The following STAG3 variants were observed in gnomAD, a reference collection of about 807,000 sequenced individuals.
The protein encoded by STAG3 is STAG3 cohesin complex component.
Under a neutral mutation model 160.7 loss-of-function variants are expected in STAG3, and 101 were observed. That is an observed-to-expected ratio of 0.63 (90% CI 0.54 to 0.74). The LOEUF is 0.74. Among genes scored for constraint, STAG3 ranks in the 30% least tolerant of loss-of-function variants. The pLI, the probability that STAG3 is intolerant of heterozygous loss-of-function variation, is 0.00. For missense variants in STAG3, 1,188 were observed against 1,517.4 expected (o/e 0.78, Z 3.61); for synonymous variants, 519 against 585.0 (o/e 0.89, Z 1.63).
chr7:100,203,869 G>C, intron 25 of STAG3, 152 bp from the exon 26 acceptor site: 1 of 561,170 alleles, frequency 1.8e-6, no homozygotes, highest in Non-Finnish European at 3.2e-6. Context: ...CTGTTGATTA[G>C]AGATGAAGTC....
intron 4 of STAG3, among the ~76,000 whole-genome samples, chr7:100,185,627 A>T: frequency 6.6e-6 from 1 of 152,058 alleles, no homozygotes; most frequent in East Asian, 1.9e-4. Flanking sequence ...GGAAAAGAAA[A>T]AAAAAGATTA....
At chr7:100,198,256 C>G in intron 12 of STAG3, 90 bp downstream of exon 12, 1 of 1,354,260 alleles carries the variant, frequency 7.4e-7, no homozygotes, top group African/African-American at 1.4e-5. Flanking sequence ...ACTCTTCCAT[C>G]TGTGCAGGTT....
chr7:100,211,270 C>T, intron 30 of STAG3, 85 bp downstream of exon 30: 11 of 1,504,208 alleles, frequency 7.3e-6, no homozygotes, highest in African/African-American at 7.0e-5. Flanking sequence ...TTTCATGGTT[C>T]CCTGCTGTAG....
At chr7:100,181,791 C>T (rs945121763) in intron 2 of STAG3, among the ~76,000 whole-genome samples, 3 of 151,602 alleles carry the variant, frequency 2.0e-5, no homozygotes, top group Admixed American at 1.3e-4. Flanking sequence ...ATCCCAGCTA[C>T]TCGGGAGGCT....
rs759346171 is a variant in STAG3, at chr7:100,213,336, ATTC to A, written c.3601-394_3601-392del. 38 of 985,432 alleles carry A rather than the reference ATTC, an allele frequency of 3.9e-5. No individual in the cohort carries two copies. The East Asian group carries it at 1.4e-3, about 35-fold the overall frequency. 61.0% of individuals were successfully genotyped at this position (985,432 alleles called of 1,614,324 possible). On this transcript the variant is annotated intron_variant, in intron 32 of 33. Transcript: ENST00000615138. ...TACAGGCTGCGTATCTTCTGCTGTT[ATTC>A]TTCTGTTCTCTTCTCTGCAGGGAAG...
At chr7:100,217,020 G>A (rs141261889), downstream of STAG3, among the ~76,000 whole-genome samples, 572 of 152,276 alleles carry the variant, frequency 3.8e-3, 8 homozygotes, top group African/African-American at 0.013. Flanking sequence ...AACCTGAAGT[G>A]TGTGAGCTGC....
At position 100,180,477 on chromosome 7, in the gene STAG3, T is replaced by C. The variant is rs1799572913; in HGVS notation, c.-64-16T>C. 3 of 827,014 alleles carry C rather than the reference T, an allele frequency of 3.6e-6. No homozygotes were observed. In the South Asian group the frequency reaches 4.2e-5, roughly 12 times the overall value. The allele number at this position is 827,014 out of a possible 1,614,324, so 51.2% of individuals were successfully genotyped here. On this transcript the variant is annotated splice_polypyrimidine_tract_variant and intron_variant, in intron 1 of 33. Coordinates refer to ENST00000615138, the MANE Select transcript of STAG3 (RefSeq NM_001282717.2). ...AAGTGCTGTGGTAGGAGCCCTTTCT[T>C]CTCTTTCTTCCCCAGCTGGATCGCC...
At chr7:100,197,487 A>T in intron 10 of STAG3, 2 of 757,530 alleles carry the variant, frequency 2.6e-6, no homozygotes, top group Non-Finnish European at 4.6e-6. Flanking sequence ...ATGACTCAAA[A>T]CCTGAGGTAC....
chr7:100,213,445 A>C, intron 32 of STAG3: 1 of 985,334 alleles, frequency 1.0e-6, no homozygotes, highest in Non-Finnish European at 1.2e-6. Context: ...CAAACCAGAG[A>C]CTAGAGAGCA....
chr7:100,202,496 A>G lies in STAG3; in HGVS notation c.2606A>G (p.Gln869Arg). The G allele has an allele frequency of 6.2e-7, 1 of 1,614,220 alleles. No homozygotes were observed. Among genetic ancestry groups the G allele is most frequent in the Non-Finnish European group, 8.5e-7 (1 of 1,180,030 alleles). The change falls in exon 25 of 34, where the codon CAG becomes CGG. Residue 869 changes from glutamine (Q) to arginine (R), a missense_variant. Physicochemically the swap from Gln to Arg is conservative, Grantham distance 43. Coordinates refer to ENST00000615138, the MANE Select transcript of STAG3 (RefSeq NM_001282717.2). The part of the protein sequence containing the change: ...EDHLQIERLH[Q>R]RRRLLAGFCK... The stretch of plus-strand genomic sequence containing the variant: ...CATTTACAGATAGAGCGGCTACACC[A>G]GCGGCGCCGCCTCCTAGCCGGGTTC...
chr7:100,187,645 G>A (rs1419302991), intron 5 of STAG3, among the ~76,000 whole-genome samples: 2 of 152,168 alleles, frequency 1.3e-5, no homozygotes, highest in Admixed American at 6.5e-5. Flanking sequence ...TCTCAAGCTT[G>A]GGGTGGGCAG....
rs1217551149 is a variant in STAG3 at position 100,188,530 on chromosome 7, G to A, written c.510+1G>A. On this transcript the variant is annotated splice_donor_variant, in intron 6 of 33. Coordinates refer to ENST00000615138, the MANE Select transcript of STAG3 (RefSeq NM_001282717.2). LOFTEE classifies it high-confidence loss of function. ...GCACCTAACAGAGCAGTTTAATGAG[G>A]TGGAAGAAGATGACCAGGATCCTCT... The A allele has an allele frequency of 6.2e-7, 1 of 1,609,488 alleles. No individual in the cohort carries two copies. The highest frequency in any genetic ancestry group is 8.5e-7 in the Non-Finnish European group (1 of 1,175,886).
chr7:100,202,602 C>T lies in STAG3; in HGVS notation c.2700+12C>T. 3.7e-6 allele frequency: 6 copies of T among 1,607,628 alleles called. No individual in the cohort carries two copies. Among genetic ancestry groups the T allele is most frequent in the Non-Finnish European group, 5.1e-6 (6 of 1,176,804 alleles). Reference sequence around the variant, plus strand: ...AACACTACAACAAGGTACACCAAGGCCCTACAGAAATAAAAGAGAAGGGAG... The same window carrying T: ...AACACTACAACAAGGTACACCAAGGTCCTACAGAAATAAAAGAGAAGGGAG... On this transcript the variant is annotated intron_variant, in intron 25 of 33. Transcript: ENST00000615138.
At position 100,200,234 on chromosome 7, in the gene STAG3, A is replaced by G. The variant is rs749848294; in HGVS notation, c.1678-2A>G. The G allele has an allele frequency of 1.9e-6, 3 of 1,610,210 alleles. No individual in the cohort carries two copies. Among genetic ancestry groups the G allele is most frequent in the Non-Finnish European group, 1.7e-6 (2 of 1,178,880 alleles). ...CCCACCCCCAAGTGACTCTCATTCC[A>G]GGGCTTAACCTCTAAGGAGCGCAAG... On this transcript the variant is annotated splice_acceptor_variant, in intron 16 of 33. Coordinates refer to ENST00000615138, the MANE Select transcript of STAG3 (RefSeq NM_001282717.2). LOFTEE classifies it high-confidence loss of function.
In STAG3 at chr7:100,200,880, A is replaced by T; in HGVS notation, c.1972A>T (p.Thr658Ser). 1 of 1,614,174 alleles carries T rather than the reference A, an allele frequency of 6.2e-7. No homozygotes were observed. Among genetic ancestry groups the T allele is most frequent in the Non-Finnish European group, 8.5e-7 (1 of 1,180,046 alleles). The part of the protein sequence containing the change: ...ALYLLCNPEF[T>S]FFSRADFARS... ...CTACCTGCTCTGTAATCCCGAATTC[A>T]CTTTCTTCAGCCGGGCGGACTTTGC... Residue 658 changes from threonine (T) to serine (S), a missense_variant, in exon 19 of 34, where the codon ACT becomes TCT. Thr to Ser is a moderately conservative substitution (Grantham distance 58). Coordinates refer to ENST00000615138, the MANE Select transcript of STAG3 (RefSeq NM_001282717.2).
intron 25 of STAG3, 72 bp downstream of exon 25, chr7:100,202,662 A>G (rs1344021811): frequency 7.1e-6 from 11 of 1,555,732 alleles, no homozygotes; most frequent in Non-Finnish European, 9.6e-6. Flanking sequence ...GAAACATAAT[A>G]GCACTACAGG....
At chr7:100,211,396 T>C in intron 30 of STAG3, 39 bp from the exon 31 acceptor site, 1 of 1,604,100 alleles carries the variant, frequency 6.2e-7, no homozygotes, top group Non-Finnish European at 8.5e-7. Flanking sequence ...CTTCTTACCC[T>C]TGATTTTTAT....
Position 100,198,171 on chromosome 7 carries a change from G to A in STAG3, c.1244+5G>A. On this transcript the variant is annotated splice_donor_5th_base_variant and intron_variant, in intron 12 of 33. Transcript: ENST00000615138. ...ATTACTGATACTTATCCTTAAGTGA[G>A]TCCTGGGAAGAGGGGAGGCCAGTGT... is the stretch of plus-strand genomic sequence containing the variant. 1.9e-6 allele frequency: 3 copies of A among 1,613,622 alleles called. No homozygotes were observed. Among genetic ancestry groups the A allele is most frequent in the Non-Finnish European group, 2.5e-6 (3 of 1,179,546 alleles).
chr7:100,199,458 A>G, intron 15 of STAG3, 83 bp from the exon 16 acceptor site: 3 of 1,555,666 alleles, frequency 1.9e-6, no homozygotes, highest in Non-Finnish European at 1.8e-6. Flanking sequence ...CAAGGCAGCA[A>G]CGGTGGCATC....
Sources: allele counts gnomAD v4.1 joint callset (sites outside exome capture counted in the v4.1 genomes callset), GRCh38; gene constraint gnomAD v4.1.1; transcripts MANE v1.5; gene names NCBI Gene and HGNC (gene_info 2026-07-23, HGNC 2026-07-21).